LMBRD2: variants seen among roughly 807,000 people sequenced by gnomAD.
The protein encoded by LMBRD2 is G protein-coupled receptor-associated protein LMBRD2.
LMBRD2 carries 55 observed loss-of-function variants against 94.4 expected under a neutral mutation model. That is an observed-to-expected ratio of 0.58 (90% CI 0.47 to 0.73). The LOEUF (loss-of-function observed/expected upper bound fraction) is 0.73. Among genes scored for constraint, LMBRD2 ranks in the 30% least tolerant of loss-of-function variants. LMBRD2 has a pLI of 0.00. For synonymous variants in LMBRD2, 246 were observed against 272.4 expected (o/e 0.90, Z 0.95); for missense variants, 640 against 831.9 (o/e 0.77, Z 2.84).
At chr5:36,144,832 C>G (rs1744500199) in intron 1 of LMBRD2, among the ~76,000 whole-genome samples, 1 of 151,974 alleles carries the variant, frequency 6.6e-6, no homozygotes. Context: ...CAAAATACTC[C>G]TACATGAACT....
At chr5:36,105,906 T>C (rs548799051) in intron 16 of LMBRD2, among the ~76,000 whole-genome samples, 1 of 152,298 alleles carries the variant, frequency 6.6e-6, no homozygotes, top group East Asian at 1.9e-4. Context: ...CACAATGTTG[T>C]TCAGAGGAGT....
rs961575138 is a variant in LMBRD2, at chr5:36,100,399, T to G, written c.*3647A>C. ...ACTACTTTAGGTACAATATTGCTATTTCAAGTAGTGGGATTTGTAGTCAGA... is the reference window on the plus strand; with the variant it reads ...ACTACTTTAGGTACAATATTGCTATGTCAAGTAGTGGGATTTGTAGTCAGA... On this transcript the variant is annotated 3_prime_UTR_variant, in exon 18 of 18. Coordinates refer to ENST00000296603, the MANE Select transcript of LMBRD2 (RefSeq NM_001007527.2). The G allele has an allele frequency of 8.5e-5, 13 of 152,096 alleles. No individual in the cohort carries two copies. Among genetic ancestry groups the G allele is most frequent in the African/African-American group, 3.1e-4 (13 of 41,436 alleles). The allele number at this position is 152,096 out of a possible 1,614,324, so 9.4% of individuals were successfully genotyped here. A position where few individuals can be genotyped will look rare whatever the true frequency, so the allele number is the denominator to read the frequency against.
chr5:36,101,241 GTTAT>G lies in LMBRD2; in HGVS notation c.*2801_*2804del, dbSNP rs1331411135. On this transcript the variant is annotated 3_prime_UTR_variant, in exon 18 of 18. Coordinates refer to ENST00000296603, the MANE Select transcript of LMBRD2 (RefSeq NM_001007527.2). ...TACAAAAATGCTCTATTGATAACAAGTTATTTATGTTGTAAAAGAAGTTAATTAG... is the reference window on the plus strand; with the variant it reads ...TACAAAAATGCTCTATTGATAACAAGTTATGTTGTAAAAGAAGTTAATTAG... The G allele has an allele frequency of 6.6e-6, 1 of 151,806 alleles. No homozygotes were observed. The highest frequency in any genetic ancestry group is 1.9e-4 in the East Asian group (1 of 5,194). 9.4% of individuals were successfully genotyped at this position (151,806 alleles called of 1,614,324 possible).
chr5:36,129,483 A>G (rs146812353), intron 6 of LMBRD2, among the ~76,000 whole-genome samples: 1 of 152,268 alleles, frequency 6.6e-6, no homozygotes, highest in East Asian at 1.9e-4. Context: ...AGAAAAAAAA[A>G]AAACTTATCC....
At chr5:36,138,908 G>A (rs925161782) in intron 4 of LMBRD2, among the ~76,000 whole-genome samples, 15 of 152,208 alleles carry the variant, frequency 9.9e-5, no homozygotes, top group Non-Finnish European at 2.9e-5. Context: ...AAGAAGTGAT[G>A]GCAGCAGCAG....
intron 13 of LMBRD2, among the ~76,000 whole-genome samples, chr5:36,112,383 G>A (rs982326620): frequency 3.9e-5 from 6 of 152,130 alleles, no homozygotes; most frequent in African/African-American, 1.4e-4. Context: ...AACAACTTAT[G>A]CTCTCTAGGC....
In LMBRD2 at chr5:36,116,663, T is replaced by C. The variant is rs1289392556; in HGVS notation, c.1303-70A>G. ...CTTTAGCACTTAACAATTACAGGCA[T>C]TATCCTTCATTTCTTTTTCTTTTGT... On this transcript the variant is annotated intron_variant, in intron 10 of 17. Transcript: ENST00000296603. 4 of 1,428,818 alleles carry C rather than the reference T, an allele frequency of 2.8e-6. No individual in the cohort carries two copies. The African/African-American group carries it at 4.3e-5, about 15-fold the overall frequency. 88.5% of individuals were successfully genotyped at this position (1,428,818 alleles called of 1,614,324 possible). A position where few individuals can be genotyped will look rare whatever the true frequency, so the allele number is the denominator to read the frequency against.
chr5:36,150,528 C>T (rs1744669178), intron 1 of LMBRD2, among the ~76,000 whole-genome samples: 1 of 152,150 alleles, frequency 6.6e-6, no homozygotes, highest in South Asian at 2.1e-4. Context: ...AAAATATTTT[C>T]TCCTATGAGT....
intron 17 of LMBRD2, among the ~76,000 whole-genome samples, chr5:36,104,824 C>T (rs1743425266): frequency 2.0e-5 from 3 of 151,876 alleles, no homozygotes; most frequent in African/African-American, 7.3e-5. Context: ...TATAATACCA[C>T]TAGTATTGTA....
At chr5:36,145,433 C>T (rs1744514126) in intron 1 of LMBRD2, among the ~76,000 whole-genome samples, 1 of 152,194 alleles carries the variant, frequency 6.6e-6, no homozygotes, top group Non-Finnish European at 1.5e-5. Context: ...GCCATGTTGC[C>T]TGGGCTGGTC....
chr5:36,101,311 T>A lies in LMBRD2; in HGVS notation c.*2735A>T, dbSNP rs931215693. 7.2e-5 allele frequency: 11 copies of A among 151,978 alleles called. No individual in the cohort carries two copies. Among genetic ancestry groups the A allele is most frequent in the African/African-American group, 2.7e-4 (11 of 41,434 alleles). 9.4% of individuals were successfully genotyped at this position (151,978 alleles called of 1,614,324 possible). ...TCATTAAATTAATAGATTATTATTATTTTCTACAATAGTTATTCTGAATTA... is the reference window on the plus strand; with the variant it reads ...TCATTAAATTAATAGATTATTATTAATTTCTACAATAGTTATTCTGAATTA... On this transcript the variant is annotated 3_prime_UTR_variant, in exon 18 of 18. Transcript: ENST00000296603.
intron 7 of LMBRD2, among the ~76,000 whole-genome samples, chr5:36,123,845 T>C (rs945592311): frequency 2.0e-5 from 3 of 151,790 alleles, no homozygotes; most frequent in Non-Finnish European, 4.4e-5. Flanking sequence ...AGGCAGCTGA[T>C]TGTAAGATAT....
At position 36,135,935 on chromosome 5, in the gene LMBRD2, C is replaced by T. The variant is rs182319895; in HGVS notation, c.747+374G>A. 3.8e-4 allele frequency among the ~76,000 whole-genome samples: 58 copies of T among 152,232 alleles called. No individual in the cohort carries two copies. In the East Asian group the frequency reaches 8.3e-3, roughly 22 times the overall value. On this transcript the variant is annotated intron_variant, in intron 6 of 17. Coordinates refer to ENST00000296603, the MANE Select transcript of LMBRD2 (RefSeq NM_001007527.2). ...GTGGGATTACCTTAGGTTAACCTTTCGGAAATAAGTGTCCTCTGGTCATTA... is the reference window on the plus strand; with the variant it reads ...GTGGGATTACCTTAGGTTAACCTTTTGGAAATAAGTGTCCTCTGGTCATTA...
At chr5:36,119,766 A>T (rs1391486975) in intron 9 of LMBRD2, among the ~76,000 whole-genome samples, 1 of 152,100 alleles carries the variant, frequency 6.6e-6, no homozygotes, top group Non-Finnish European at 1.5e-5. Flanking sequence ...TCAAATCTCT[A>T]AAATCTCCTC....
At chr5:36,126,450 A>C (rs1336967854) in intron 6 of LMBRD2, among the ~76,000 whole-genome samples, 1 of 152,210 alleles carries the variant, frequency 6.6e-6, no homozygotes, top group Admixed American at 6.5e-5. Context: ...CATACAAAAT[A>C]ATGTAACTTT....
chr5:36,109,621 A>G (rs1743555822), intron 15 of LMBRD2, among the ~76,000 whole-genome samples: 1 of 152,058 alleles, frequency 6.6e-6, no homozygotes, highest in Admixed American at 6.6e-5. Context: ...ATTTTAAAGC[A>G]ATCAAAACCA....
intron 6 of LMBRD2, among the ~76,000 whole-genome samples, chr5:36,135,408 G>A (rs1314384432): frequency 5.3e-5 from 8 of 152,188 alleles, no homozygotes; most frequent in Admixed American, 1.3e-4. Flanking sequence ...CGAAAGTTGA[G>A]TGTTAGGTAA....
At position 36,151,768 on chromosome 5, in the gene LMBRD2, C is replaced by G. The variant is rs1466552292; in HGVS notation, c.-270G>C. The G allele has an allele frequency of 5.6e-6, 1 of 178,296 alleles. No homozygotes were observed. The highest frequency in any genetic ancestry group is 1.2e-5 in the Non-Finnish European group (1 of 82,108). 11.0% of individuals were successfully genotyped at this position (178,296 alleles called of 1,614,324 possible). ...CGGGACCGGGAAACGGCGGCCGCCA[C>G]AGCTGTCCAGGTTCTGGGATCCACG... On this transcript the variant is annotated 5_prime_UTR_variant, in exon 1 of 18. Transcript: ENST00000296603. The surrounding 1 kb of genome is among the most constrained non-coding windows in gnomAD (Gnocchi z 4.7).
intron 13 of LMBRD2, among the ~76,000 whole-genome samples, chr5:36,112,351 C>T (rs934089991): frequency 2.0e-5 from 3 of 152,070 alleles, no homozygotes; most frequent in African/African-American, 7.2e-5. Context: ...GGAAAGTTTT[C>T]TCTTTGTCTG....
Sources: gnomAD v4.1 joint callset for allele counts (sites outside exome capture counted in the v4.1 genomes callset) on GRCh38, gnomAD v4.1.1 for gene constraint, Gnocchi (gnomAD v3.1) non-coding constraint, MANE v1.5 for transcripts, NCBI Gene and HGNC (gene_info 2026-07-23, HGNC 2026-07-21) for gene names.